Variants in HDAC9 observed in about 807,000 individuals in gnomAD.
HDAC9 encodes the protein histone deacetylase 9, also known as MEF-2 interacting transcription repressor (MITR) protein.
In HDAC9, 41 loss-of-function variants were observed where a neutral mutation model predicts 139.4. The ratio of observed to expected loss-of-function variants is 0.29; its 90% CI spans 0.23 to 0.38. HDAC9 has a LOEUF of 0.38. Ranked by LOEUF, HDAC9 falls within the 10% of genes least tolerant of loss-of-function variation. The pLI, the probability that HDAC9 is intolerant of heterozygous loss-of-function variation, is 1.00. For synonymous variants in HDAC9, 517 were observed against 476.2 expected (o/e 1.09, Z -1.12); for missense variants, 1,147 against 1,297.0 (o/e 0.88, Z 1.78).
chr7:18,749,905 C>T (rs535509810), intron 14 of HDAC9, among the ~76,000 whole-genome samples: 3 of 152,238 alleles, frequency 2.0e-5, no homozygotes, highest in African/African-American at 4.8e-5. Flanking sequence ...TGGGTTTTCT[C>T]ACATTATTTT....
intron 1 of HDAC9, among the ~76,000 whole-genome samples, chr7:18,332,784 C>G (rs556122550): frequency 6.6e-6 from 1 of 151,570 alleles, no homozygotes; most frequent in Admixed American, 6.6e-5. Flanking sequence ...TTTTCATGTT[C>G]AGTAGACTGT....
At chr7:18,831,459 G>T (rs1375919629) in intron 19 of HDAC9, among the ~76,000 whole-genome samples, 1 of 152,050 alleles carries the variant, frequency 6.6e-6, no homozygotes, top group South Asian at 2.1e-4. Context: ...AAGCTTCCTG[G>T]CCTTTGATTA....
chr7:18,878,315 A>T (rs1320568234), intron 22 of HDAC9, among the ~76,000 whole-genome samples: 1 of 152,306 alleles, frequency 6.6e-6, no homozygotes, highest in East Asian at 1.9e-4. Context: ...CATATATTCA[A>T]ATTGCTTTTG....
At chr7:18,726,547 G>A (rs1251541595) in intron 12 of HDAC9, among the ~76,000 whole-genome samples, 1 of 152,104 alleles carries the variant, frequency 6.6e-6, no homozygotes, top group Admixed American at 6.5e-5. Flanking sequence ...TCCATGGCAA[G>A]AGAGTATTAT....
At chr7:18,875,579 A>AT (rs1563012291) in intron 22 of HDAC9, among the ~76,000 whole-genome samples, 1 of 152,190 alleles carries the variant, frequency 6.6e-6, no homozygotes, top group Non-Finnish European at 1.5e-5. Context: ...GGTAGTAACT[A>AT]TTTTTAACAT....
intron 1 of HDAC9, among the ~76,000 whole-genome samples, chr7:18,460,414 G>A (rs989262294): frequency 6.6e-6 from 1 of 151,984 alleles, no homozygotes; most frequent in African/African-American, 2.4e-5. Context: ...ATGGTAAATA[G>A]CAACTGCATT....
At chr7:18,951,069 A>C (rs1782759703) in intron 23 of HDAC9, among the ~76,000 whole-genome samples, 1 of 151,906 alleles carries the variant, frequency 6.6e-6, no homozygotes, top group South Asian at 2.1e-4. Context: ...TAAAAATCTT[A>C]CTCAACAGCT....
At chr7:18,930,171 G>A (rs952351639) in intron 22 of HDAC9, among the ~76,000 whole-genome samples, 2 of 151,972 alleles carry the variant, frequency 1.3e-5, no homozygotes, top group South Asian at 4.1e-4. Flanking sequence ...TGAGAACCCC[G>A]TTCCATCTCT....
intron 13 of HDAC9, among the ~76,000 whole-genome samples, chr7:18,729,466 A>G (rs79482583): frequency 0.047 from 7,168 of 152,160 alleles, 371 homozygotes; most frequent in East Asian, 0.11. Flanking sequence ...AGTGTCTTCT[A>G]GTTTTCATAT....
At chr7:18,144,709 C>A (rs900428248) in intron 1 of HDAC9, among the ~76,000 whole-genome samples, 1 of 152,128 alleles carries the variant, frequency 6.6e-6, no homozygotes. Context: ...TTTCTTCTTT[C>A]CATCTCTTCC....
At chr7:18,636,708 A>C (rs1784009735) in intron 8 of HDAC9, among the ~76,000 whole-genome samples, 1 of 152,104 alleles carries the variant, frequency 6.6e-6, no homozygotes, top group Non-Finnish European at 1.5e-5. Flanking sequence ...AAAACATGAT[A>C]GCAGATGGAA....
chr7:18,771,793 A>G (rs1197231185), intron 16 of HDAC9, among the ~76,000 whole-genome samples: 1 of 152,146 alleles, frequency 6.6e-6, no homozygotes, highest in Non-Finnish European at 1.5e-5. Flanking sequence ...TTTTATGACC[A>G]CATCTATGGA....
At chr7:18,973,753 A>G (rs1391722082) in intron 24 of HDAC9, among the ~76,000 whole-genome samples, 1 of 152,046 alleles carries the variant, frequency 6.6e-6, no homozygotes, top group Non-Finnish European at 1.5e-5. Flanking sequence ...AACCTCCCAA[A>G]TCTCTCTTAG....
At chr7:18,869,344 C>G (rs1297396962) in intron 21 of HDAC9, among the ~76,000 whole-genome samples, 1 of 151,810 alleles carries the variant, frequency 6.6e-6, no homozygotes, top group Non-Finnish European at 1.5e-5. Context: ...CACCACTCAC[C>G]TAGTGCTGTT....
chr7:18,125,763 C>T (rs943336523), intron 1 of HDAC9, among the ~76,000 whole-genome samples: 6 of 151,952 alleles, frequency 3.9e-5, no homozygotes, highest in South Asian at 2.1e-4. Context: ...GCAAGTTGGC[C>T]GTGTTCCATT....
At chr7:18,786,599 TTCCTTCCTTCCTTCCTTCCC>T (rs1791785313) in intron 16 of HDAC9, among the ~76,000 whole-genome samples, 1 of 86,326 alleles carries the variant, frequency 1.2e-5, no homozygotes, top group Non-Finnish European at 2.7e-5. Context: ...CCTTCCTTCC[TTCCTTCCTTCCTTCCTTCCC>T]TCCCTCCCTC....
chr7:18,406,311 C>T (rs1787996996), intron 1 of HDAC9, among the ~76,000 whole-genome samples: 1 of 152,040 alleles, frequency 6.6e-6, no homozygotes, highest in Non-Finnish European at 1.5e-5. Context: ...CAGTTTTTTG[C>T]AATTACTTTT....
chr7:18,383,910 G>C (rs1331663344), intron 1 of HDAC9, among the ~76,000 whole-genome samples: 1 of 148,828 alleles, frequency 6.7e-6, no homozygotes, highest in South Asian at 2.1e-4. Context: ...AAAAAAAAAA[G>C]AAAGAACTGA....
At chr7:18,309,416 GA>G (rs1231051666) in intron 1 of HDAC9, among the ~76,000 whole-genome samples, 1 of 152,104 alleles carries the variant, frequency 6.6e-6, no homozygotes, top group African/African-American at 2.4e-5. Flanking sequence ...TGACAGATGG[GA>G]AAATTGTTTC....
Sources: gnomAD v4.1 joint callset for allele counts (sites outside exome capture counted in the v4.1 genomes callset) on GRCh38, gnomAD v4.1.1 for gene constraint, MANE v1.5 for transcripts, NCBI Gene and HGNC (gene_info 2026-07-23, HGNC 2026-07-21) for gene names.